TBC1D2B: variants seen among roughly 807,000 people sequenced by gnomAD.
TBC1D2B encodes the protein TBC1 domain family member 2B.
In TBC1D2B, 64 loss-of-function variants were observed where a neutral mutation model predicts 100.8. The ratio of observed to expected loss-of-function variants is 0.64; its 90% CI spans 0.52 to 0.78. TBC1D2B has a LOEUF of 0.78. Among genes scored for constraint, TBC1D2B ranks in the 30% least tolerant of loss-of-function variants. The pLI, the probability that TBC1D2B is intolerant of heterozygous loss-of-function variation, is 0.00. For synonymous variants in TBC1D2B, 480 were observed against 479.7 expected, an observed-to-expected ratio of 1.00 and a Z score of -0.01; for missense variants, 1,052 against 1,218.4, an observed-to-expected ratio of 0.86 and a Z score of 2.03.
At position 78,001,618 on chromosome 15, in the gene TBC1D2B, C is replaced by T; in HGVS notation, c.2696+1G>A. 2 of 1,608,440 alleles carry T rather than the reference C, an allele frequency of 1.2e-6. No homozygotes were observed. Among genetic ancestry groups the T allele is most frequent in the East Asian group, 2.2e-5 (1 of 44,762 alleles). The stretch of plus-strand genomic sequence containing the variant: ...ACATCTGAGAACTCCCCAGGACTCA[C>T]CTAGCATCAAGGATAGTGCGAGTGA... On this transcript the variant is annotated splice_donor_variant, in intron 12 of 12. Transcript: ENST00000300584. LOFTEE classifies it high-confidence loss of function.
chr15:78,029,938 T>G lies in TBC1D2B; in HGVS notation c.847+69A>C, dbSNP rs551131610. 4.5e-4 allele frequency: 592 copies of G among 1,323,434 alleles called. 1 individual carries two copies. Among genetic ancestry groups the G allele is most frequent in the Non-Finnish European group, 2.8e-4 (271 of 972,994 alleles). 82.0% of individuals were successfully genotyped at this position (1,323,434 alleles called of 1,614,324 possible). A position where few individuals can be genotyped will look rare whatever the true frequency, so the allele number is the denominator to read the frequency against. On this transcript the variant is annotated intron_variant, in intron 4 of 12. Transcript: ENST00000300584. ...TCTCGAAATACCTGCTAATAATGTG[T>G]CTCCACATCACTGGTGGTTAACAGA... is the stretch of plus-strand genomic sequence containing the variant.
intron 2 of TBC1D2B, among the ~76,000 whole-genome samples, chr15:78,045,907 T>C (rs1261919407): frequency 6.6e-6 from 1 of 152,184 alleles, no homozygotes; most frequent in Non-Finnish European, 1.5e-5. Flanking sequence ...ACTTAAAATT[T>C]TTTTGTTTTT....
At chr15:78,062,043 G>T (rs1039980737) in intron 1 of TBC1D2B, among the ~76,000 whole-genome samples, 1 of 152,150 alleles carries the variant, frequency 6.6e-6, no homozygotes, top group Non-Finnish European at 1.5e-5. Context: ...AAAACACTCT[G>T]TCAAGACCGA....
chr15:78,007,108 C>T (rs2072088158), intron 10 of TBC1D2B, among the ~76,000 whole-genome samples: 1 of 152,200 alleles, frequency 6.6e-6, no homozygotes, highest in South Asian at 2.1e-4. Context: ...GGGAGATGAG[C>T]GATGGGATGT....
At chr15:78,008,680 C>T (rs147073535) in intron 10 of TBC1D2B, among the ~76,000 whole-genome samples, 1 of 152,220 alleles carries the variant, frequency 6.6e-6, no homozygotes, top group East Asian at 1.9e-4. Context: ...CCAAGCACAC[C>T]TGGATTATGA....
At chr15:78,017,991 T>C (rs2072420432) in intron 6 of TBC1D2B, 34 bp from the exon 7 acceptor site, 1 of 1,218,558 alleles carries the variant, frequency 8.2e-7, no homozygotes, top group East Asian at 2.5e-5. Context: ...TGAATTCACA[T>C]TGGTTGAATA....
chr15:78,040,100 G>C (rs1256487343), intron 3 of TBC1D2B, among the ~76,000 whole-genome samples: 8 of 152,090 alleles, frequency 5.3e-5, no homozygotes, highest in Admixed American at 1.3e-4. Context: ...CGCCACACAG[G>C]CTTCCAATGC....
chr15:78,000,207 G>A (rs1259667744), intron 12 of TBC1D2B, among the ~76,000 whole-genome samples: 3 of 152,228 alleles, frequency 2.0e-5, no homozygotes, highest in African/African-American at 4.8e-5. Flanking sequence ...AGACCGTACC[G>A]CGAGCCACTC....
rs562357005 is a variant in TBC1D2B, at chr15:78,071,502, T to A, written c.360+5791A>T. On this transcript the variant is annotated intron_variant, in intron 1 of 12. Coordinates refer to ENST00000300584, the MANE Select transcript of TBC1D2B (RefSeq NM_144572.2). ...CTCTGCTATAACAGTGTCCTTGGAG[T>A]CCTGACCATGGGCATGAAATATATG... Among the ~76,000 whole-genome samples the A allele has an allele frequency of 2.0e-5, 3 of 152,076 alleles. No individual in the cohort carries two copies. The South Asian group carries it at 6.2e-4, about 32-fold the overall frequency.
chr15:78,044,443 G>A (rs983231338), intron 3 of TBC1D2B, among the ~76,000 whole-genome samples: 7 of 152,048 alleles, frequency 4.6e-5, no homozygotes, highest in Non-Finnish European at 7.4e-5. Flanking sequence ...CCAACCAAAC[G>A]AACAAAAACC....
chr15:78,051,863 T>C (rs551248764), intron 2 of TBC1D2B, among the ~76,000 whole-genome samples: 42 of 152,332 alleles, frequency 2.8e-4, no homozygotes, highest in Admixed American at 2.5e-3. Context: ...CTTTTCTTCT[T>C]GACTTCCTGC....
chr15:78,008,713 G>C (rs959634146), intron 10 of TBC1D2B, among the ~76,000 whole-genome samples: 10 of 152,230 alleles, frequency 6.6e-5, no homozygotes, highest in Admixed American at 6.5e-5. Context: ...GTAGGCCTGT[G>C]TCCGGGGAAG....
intron 1 of TBC1D2B, among the ~76,000 whole-genome samples, chr15:78,074,060 G>A (rs979733596): frequency 6.6e-6 from 1 of 151,412 alleles, no homozygotes; most frequent in Admixed American, 6.6e-5. Context: ...GTCTCACTCT[G>A]TCGCTCAGGC....
At chr15:78,037,701 T>C (rs2072980466) in intron 3 of TBC1D2B, among the ~76,000 whole-genome samples, 1 of 152,166 alleles carries the variant, frequency 6.6e-6, no homozygotes, top group Non-Finnish European at 1.5e-5. Flanking sequence ...ATGCAGGTGA[T>C]GACCCACTGG....
rs1377603117 is a variant in TBC1D2B at position 77,997,335 on chromosome 15, A to G, written c.*825T>C. 1 of 152,260 alleles carries G rather than the reference A, an allele frequency of 6.6e-6. No homozygotes were observed. Among genetic ancestry groups the G allele is most frequent in the Non-Finnish European group, 1.5e-5 (1 of 68,050 alleles). 9.4% of individuals were successfully genotyped at this position (152,260 alleles called of 1,614,324 possible). A position where few individuals can be genotyped will look rare whatever the true frequency, so the allele number is the denominator to read the frequency against. ...CGGTCCACTGTTTACTTGGAATCCC[A>G]TCCCATCGTACTTGGTGAATGATTT... On this transcript the variant is annotated 3_prime_UTR_variant, in exon 13 of 13. Coordinates refer to ENST00000300584, the MANE Select transcript of TBC1D2B (RefSeq NM_144572.2).
At chr15:78,014,959 T>C (rs937790597) in intron 8 of TBC1D2B, among the ~76,000 whole-genome samples, 4 of 152,142 alleles carry the variant, frequency 2.6e-5, no homozygotes, top group African/African-American at 9.7e-5. Flanking sequence ...CCCAGCACTT[T>C]GGGAGGCCGA....
chr15:78,055,311 TA>T (rs10715811), intron 1 of TBC1D2B, among the ~76,000 whole-genome samples: 134,064 of 150,860 alleles, frequency 0.89, 60,244 homozygotes, highest in East Asian at 0.99. Flanking sequence ...TGAATATCAT[TA>T]AAAAAAAAAT....
At chr15:78,005,988 T>A (rs2072056433) in intron 10 of TBC1D2B, among the ~76,000 whole-genome samples, 1 of 152,222 alleles carries the variant, frequency 6.6e-6, no homozygotes, top group South Asian at 2.1e-4. Flanking sequence ...CAACTTTTTT[T>A]AATGCATCAT....
rs779316496 is a variant in TBC1D2B at position 78,024,227 on chromosome 15, G to C, written c.1399C>G (p.Pro467Ala). ...GAAGGGGAGCTGGGCGCCACGGTGG[G>C]AGGAGGCCCGTTGCCCTCGCCCTCG... The part of the protein sequence containing the change: ...LSEGEGNGPP[P>A]TVAPSSPSVV... The change falls in exon 6 of 13, where the codon CCC (proline) becomes GCC (alanine). Residue 467 changes from proline to alanine, a missense_variant. By Grantham distance (27) the Pro-to-Ala change is conservative. Around this residue, in one of 4 missense-constraint regions of TBC1D2B, gnomAD observed 627 missense variants for 646.1 expected, o/e 0.97. Transcript: ENST00000300584. 1 of 1,613,896 alleles carries C rather than the reference G, an allele frequency of 6.2e-7. No homozygotes were observed.
Sources: allele counts gnomAD v4.1 joint callset (sites outside exome capture counted in the v4.1 genomes callset), GRCh38; gene constraint gnomAD v4.1.1; regional missense constraint gnomAD v4.1.1; transcripts MANE v1.5; gene names NCBI Gene and HGNC (gene_info 2026-07-23, HGNC 2026-07-21).